Variants in PLEKHH2 observed in about 807,000 individuals in gnomAD.
PLEKHH2 encodes the protein pleckstrin homology domain-containing family H member 2.
In PLEKHH2, 129 loss-of-function variants were observed where a neutral mutation model predicts 187.9. The ratio of observed to expected loss-of-function variants is 0.69; its 90% CI spans 0.59 to 0.79. PLEKHH2 has a LOEUF of 0.79. Among genes scored for constraint, PLEKHH2 ranks in the 30% least tolerant of loss-of-function variants. The probability of loss-of-function intolerance (pLI) is 0.00; values close to 1 mark genes in which losing one functional copy is unlikely to be tolerated. For missense variants in PLEKHH2, 2,076 were observed against 1,751.2 expected (o/e 1.19, Z -3.31); for synonymous variants, 686 against 605.6 (o/e 1.13, Z -1.95).
chr2:43,757,486 C>A (rs187989533), intron 26 of PLEKHH2, among the ~76,000 whole-genome samples: 1 of 147,790 alleles, frequency 6.8e-6, no homozygotes, highest in East Asian at 2.0e-4. Flanking sequence ...GTGGCCCAAT[C>A]TCGGCTCACT....
chr2:43,723,147 GTA>G (rs1670565452), intron 16 of PLEKHH2, among the ~76,000 whole-genome samples: 1 of 152,102 alleles, frequency 6.6e-6, no homozygotes, highest in South Asian at 2.1e-4. Context: ...AATTAGGTTA[GTA>G]TTGTTATGTA....
intron 3 of PLEKHH2, among the ~76,000 whole-genome samples, chr2:43,686,483 C>T (rs1036053606): frequency 2.0e-5 from 3 of 152,200 alleles, no homozygotes; most frequent in Non-Finnish European, 4.4e-5. Flanking sequence ...AGGCGTGAGC[C>T]ACTGTGCCCG....
intron 23 of PLEKHH2, among the ~76,000 whole-genome samples, chr2:43,745,653 C>G (rs1671749055): frequency 6.6e-6 from 1 of 152,054 alleles, no homozygotes; most frequent in Admixed American, 6.5e-5. Context: ...GGCCACAGTC[C>G]AAAGTTAATG....
chr2:43,673,005 T>C (rs1174332265), intron 2 of PLEKHH2, among the ~76,000 whole-genome samples: 1 of 152,222 alleles, frequency 6.6e-6, no homozygotes, highest in Non-Finnish European at 1.5e-5. Context: ...AATATCATTC[T>C]ATATATAATT....
chr2:43,754,869 C>CTTTTTT lies in PLEKHH2; in HGVS notation c.3795+1125_3795+1130dup, dbSNP rs3066318. Among the ~76,000 whole-genome samples the CTTTTTT allele has an allele frequency of 3.7e-5, 4 of 108,750 alleles. 1 individual carries two copies. The highest frequency in any genetic ancestry group is 5.3e-5 in the Non-Finnish European group (3 of 56,238). 71.3% of individuals were successfully genotyped at this position (108,750 alleles called of 152,430 possible). ...TTTTTTATGGGCTCCTTAAAATCAA[C>CTTTTTT]TTTTTTTTTTTTTTTTTTTTTGAGA... On this transcript the variant is annotated intron_variant, in intron 25 of 29. Transcript: ENST00000282406.
rs371352600 is a variant in PLEKHH2 at position 43,745,941 on chromosome 2, G to A, written c.3631G>A (p.Val1211Ile). ...TGGAAAATGTGAAGGTACAAGGACT[G>A]TTCGTCTGACATACAAAAACAGGTG... is the stretch of plus-strand genomic sequence containing the variant. ...QPGKCEGTRT[V>I]RLTYKNRLYF... is the part of the protein sequence containing the mutation. The change falls in exon 24 of 30, where the codon GTT (valine) becomes ATT (isoleucine). Residue 1211 changes from valine (V) to isoleucine (I), a missense_variant. Coordinates refer to ENST00000282406, the MANE Select transcript of PLEKHH2 (RefSeq NM_172069.4). 5 of 1,610,158 alleles carry A rather than the reference G, an allele frequency of 3.1e-6. No individual in the cohort carries two copies. The African/African-American group carries it at 4.0e-5, about 13-fold the overall frequency.
intron 4 of PLEKHH2, among the ~76,000 whole-genome samples, chr2:43,692,995 C>A (rs1293746235): frequency 6.6e-6 from 1 of 152,220 alleles, no homozygotes; most frequent in East Asian, 1.9e-4. Flanking sequence ...CTCACTGCAA[C>A]CTCTGCAAGT....
intron 24 of PLEKHH2, among the ~76,000 whole-genome samples, chr2:43,746,766 C>T (rs751620709): frequency 2.0e-5 from 3 of 151,788 alleles, no homozygotes; most frequent in Admixed American, 6.6e-5. Flanking sequence ...GTCAGGAGAT[C>T]GAGACCATCC....
rs1368588831 is a variant in PLEKHH2, at chr2:43,765,447, TAAAC to T, written c.4334_4337del (p.Asn1445ThrfsTer29). Reference sequence around the variant, plus strand: ...ATCACTCTTTTGATCGCCAGTTACATAAACAACTTCCATCAGCAAAAGGCAGCAT... The same window carrying T: ...ATCACTCTTTTGATCGCCAGTTACATAACTTCCATCAGCAAAAGGCAGCAT... On this transcript the variant is annotated frameshift_variant, in exon 30 of 30. Transcript: ENST00000282406. LOFTEE classifies it high-confidence loss of function. The T allele has an allele frequency of 1.9e-6, 3 of 1,614,168 alleles. No individual in the cohort carries two copies. Among genetic ancestry groups the T allele is most frequent in the Non-Finnish European group, 2.5e-6 (3 of 1,180,022 alleles).
intron 2 of PLEKHH2, among the ~76,000 whole-genome samples, chr2:43,649,532 T>C (rs1323064187): frequency 1.3e-5 from 2 of 152,142 alleles, no homozygotes. Flanking sequence ...GAATAAGGAG[T>C]CCTTGGACAG....
chr2:43,752,229 G>A (rs2104614013), intron 24 of PLEKHH2, among the ~76,000 whole-genome samples: 2 of 152,250 alleles, frequency 1.3e-5, no homozygotes, highest in South Asian at 4.2e-4. Flanking sequence ...GTTTCATACG[G>A]CTTTGCTGAT....
At chr2:43,724,611 G>C (rs1187820862) in intron 16 of PLEKHH2, among the ~76,000 whole-genome samples, 1 of 152,114 alleles carries the variant, frequency 6.6e-6, no homozygotes, top group Non-Finnish European at 1.5e-5. Context: ...GTATTGTTTT[G>C]TGATATATAA....
chr2:43,646,943 G>C (rs1304966126), intron 2 of PLEKHH2, among the ~76,000 whole-genome samples: 1 of 151,482 alleles, frequency 6.6e-6, no homozygotes, highest in Non-Finnish European at 1.5e-5. Context: ...GTTACTCATG[G>C]CTTCCCAATA....
intron 11 of PLEKHH2, among the ~76,000 whole-genome samples, chr2:43,708,654 G>A (rs916382697): frequency 7.9e-5 from 12 of 152,170 alleles, no homozygotes; most frequent in African/African-American, 1.4e-4. Context: ...TTTGTTCCAC[G>A]AGAGCCAATA....
intron 3 of PLEKHH2, chr2:43,679,485 AT>A (rs1668049738): frequency 9.0e-6 from 3 of 333,592 alleles, no homozygotes; most frequent in Admixed American, 8.4e-5. Flanking sequence ...ATCAGGAATG[AT>A]TTTTTCCCTT....
At chr2:43,744,360 T>C (rs898571696) in intron 23 of PLEKHH2, among the ~76,000 whole-genome samples, 3 of 152,228 alleles carry the variant, frequency 2.0e-5, no homozygotes, top group South Asian at 2.1e-4. Flanking sequence ...GGCTGGACTC[T>C]GTGGGGAATA....
intron 15 of PLEKHH2, among the ~76,000 whole-genome samples, chr2:43,715,716 C>G (rs758436700): frequency 2.0e-5 from 3 of 152,066 alleles, no homozygotes; most frequent in African/African-American, 7.2e-5. Context: ...AGAGAGAGCT[C>G]AGGAAAGAGG....
chr2:43,660,433 A>C (rs1295763205), intron 2 of PLEKHH2, among the ~76,000 whole-genome samples: 1 of 145,698 alleles, frequency 6.9e-6, no homozygotes, highest in Non-Finnish European at 1.5e-5. Flanking sequence ...ACATATGTTT[A>C]ACTTTTTTTT....
chr2:43,714,174 T>C (rs1670102747), intron 15 of PLEKHH2, among the ~76,000 whole-genome samples: 1 of 152,206 alleles, frequency 6.6e-6, no homozygotes, highest in Admixed American at 6.5e-5. Flanking sequence ...GATGATCCCA[T>C]GGCTAAGGGT....
Sources: gnomAD v4.1 joint callset for allele counts (sites outside exome capture counted in the v4.1 genomes callset) on GRCh38, gnomAD v4.1.1 for gene constraint, MANE v1.5 for transcripts, NCBI Gene and HGNC (gene_info 2026-07-23, HGNC 2026-07-21) for gene names.